The following TRIM37 variants were observed in gnomAD, a reference collection of about 807,000 sequenced individuals.
The protein encoded by TRIM37 is tripartite motif containing 37, also known as E3 ubiquitin-protein ligase TRIM37.
In TRIM37, 80 loss-of-function variants were observed where a neutral mutation model predicts 129.8. The observed-to-expected ratio is 0.62, with a 90% confidence interval of 0.51 to 0.74. TRIM37 has a LOEUF of 0.74. Among genes scored for constraint, TRIM37 ranks in the 30% least tolerant of loss-of-function variants. TRIM37 has a pLI of 0.00. For synonymous variants in TRIM37, 389 were observed against 387.1 expected (o/e 1.00, Z -0.06); for missense variants, 1,054 against 1,176.5 (o/e 0.90, Z 1.52).
rs2046038985 is a variant in TRIM37, at chr17:59,106,739, C to T, written c.-278G>A. 8.8e-6 allele frequency: 5 copies of T among 570,216 alleles called. No homozygotes were observed. The highest frequency in any genetic ancestry group is 1.6e-5 in the Non-Finnish European group (5 of 320,340). 35.3% of individuals were successfully genotyped at this position (570,216 alleles called of 1,614,324 possible). On this transcript the variant is annotated 5_prime_UTR_variant, in exon 1 of 24. Transcript: ENST00000262294. ...TCCCGGCTCAGCCGCCGGCCAGCAGCCGCGCCGGAACCTCGGCCCACGTGA... is the reference window on the plus strand; with the variant it reads ...TCCCGGCTCAGCCGCCGGCCAGCAGTCGCGCCGGAACCTCGGCCCACGTGA...
intron 17 of TRIM37, among the ~76,000 whole-genome samples, chr17:59,040,798 G>A (rs1165864235): frequency 6.6e-6 from 1 of 152,054 alleles, no homozygotes; most frequent in Non-Finnish European, 1.5e-5. Context: ...TGTAATCCCA[G>A]CACTTTGGGA....
intron 2 of TRIM37, among the ~76,000 whole-genome samples, chr17:59,095,272 T>C (rs149023345): frequency 9.1e-4 from 138 of 152,178 alleles, no homozygotes; most frequent in African/African-American, 3.2e-3. Flanking sequence ...ATAGCTATTA[T>C]GGCAAAGATA....
chr17:59,070,964 A>T lies in TRIM37; in HGVS notation c.685-17T>A, dbSNP rs757117310. On this transcript the variant is annotated splice_polypyrimidine_tract_variant and intron_variant, in intron 8 of 23. Coordinates refer to ENST00000262294, the MANE Select transcript of TRIM37 (RefSeq NM_015294.6). ...AGACCGCAACTGTGTGAGGAAAAAA[A>T]TTATCTGAACAAACAAAATTACTAT... is the stretch of plus-strand genomic sequence containing the variant. 6.2e-7 allele frequency: 1 copy of T among 1,612,948 alleles called. No homozygotes were observed.
In TRIM37 at chr17:59,015,622, A is replaced by G. The variant is rs1208861537; in HGVS notation, c.2564T>C (p.Met855Thr). 6 of 1,614,066 alleles carry G rather than the reference A, an allele frequency of 3.7e-6. No individual in the cohort carries two copies. In the South Asian group the frequency reaches 6.6e-5, roughly 18 times the overall value. The change falls in exon 21 of 24, where the codon ATG (methionine) becomes ACG (threonine). Residue 855 changes from methionine (M) to threonine (T), a missense_variant. Around this residue, in one of 3 missense-constraint regions of TRIM37, gnomAD observed 287 missense variants for 274.3 expected, o/e 1.05. Transcript: ENST00000262294. The part of the protein sequence containing the change: ...GLPAVEKRRK[M>T]VTLGANAKGG... ...CAACTTAATTTACCCCAAGGTGACC[A>G]TTTTCCTCCTTTTCTCAACCGCAGG...
chr17:59,018,817 C>T (rs1180359790), intron 19 of TRIM37, among the ~76,000 whole-genome samples: 1 of 151,758 alleles, frequency 6.6e-6, no homozygotes, highest in Non-Finnish European at 1.5e-5. Context: ...AAATGGAACA[C>T]TCACTTCTGA....
the TRIM37 span, among the ~76,000 whole-genome samples, chr17:58,977,479 A>G: frequency 6.6e-6 from 1 of 151,764 alleles, no homozygotes; most frequent in Non-Finnish European, 1.5e-5. Context: ...GAATGAATGG[A>G]GAAGAGCCTA....
chr17:59,036,585 T>C (rs1045128568), intron 17 of TRIM37, among the ~76,000 whole-genome samples: 1 of 151,728 alleles, frequency 6.6e-6, no homozygotes, highest in African/African-American at 2.4e-5. Flanking sequence ...TAGGCTCAAG[T>C]GATCCTACGG....
At chr17:59,044,889 C>T (rs370169605) in intron 16 of TRIM37, among the ~76,000 whole-genome samples, 2 of 152,194 alleles carry the variant, frequency 1.3e-5, no homozygotes, top group Admixed American at 6.5e-5. Context: ...AATCATGAGC[C>T]GAGTGTGATG....
chr17:59,003,186 A>G (rs1482143677), intron 22 of TRIM37, among the ~76,000 whole-genome samples: 1 of 152,222 alleles, frequency 6.6e-6, no homozygotes, highest in East Asian at 1.9e-4. Flanking sequence ...CAATGCTAAA[A>G]TTCCTATTGA....
chr17:59,062,801 G>A lies in TRIM37; in HGVS notation c.861-153C>T, dbSNP rs566392019. 5.3e-5 allele frequency among the ~76,000 whole-genome samples: 8 copies of A among 152,170 alleles called. No individual in the cohort carries two copies. The East Asian group carries it at 9.7e-4, about 18-fold the overall frequency. On this transcript the variant is annotated intron_variant, in intron 10 of 23. Transcript: ENST00000262294. ...AACAGGTCAAAATTCCACTGTAAAA[G>A]TTTAGATATGCTTACATCCTGAAAT...
At chr17:59,075,753 T>A in intron 7 of TRIM37, 39 bp from the exon 8 acceptor site, 2 of 1,448,294 alleles carry the variant, frequency 1.4e-6, no homozygotes, top group Non-Finnish European at 1.9e-6. Flanking sequence ...TTGGGTTCAT[T>A]ATTGGTTTAA....
chr17:59,000,732 T>C (rs2033611887), intron 23 of TRIM37, among the ~76,000 whole-genome samples: 3 of 152,210 alleles, frequency 2.0e-5, no homozygotes, highest in African/African-American at 7.2e-5. Context: ...TATTTCATAA[T>C]CTGCATGTAT....
chr17:59,037,216 C>T (rs540615434), intron 17 of TRIM37, among the ~76,000 whole-genome samples: 1 of 152,070 alleles, frequency 6.6e-6, no homozygotes, highest in South Asian at 2.1e-4. Context: ...CATTTCCACA[C>T]TCTGCCCAGT....
At chr17:59,018,050 G>A (rs1017469681) in intron 19 of TRIM37, among the ~76,000 whole-genome samples, 5 of 151,914 alleles carry the variant, frequency 3.3e-5, no homozygotes, top group Admixed American at 2.6e-4. Flanking sequence ...AAGTATTATT[G>A]GATTAAAAAG....
At chr17:59,022,082 TTATAGCATAGAAAAGG>T (rs1245811714) in intron 19 of TRIM37, among the ~76,000 whole-genome samples, 1 of 152,094 alleles carries the variant, frequency 6.6e-6, no homozygotes, top group Non-Finnish European at 1.5e-5. Flanking sequence ...TAAAATAATT[TTATAGCATAGAAAAGG>T]ACAAAAACAT....
chr17:59,051,076 A>G (rs1599171459), intron 14 of TRIM37, 138 bp downstream of exon 14: 2 of 645,264 alleles, frequency 3.1e-6, no homozygotes, highest in South Asian at 3.9e-5. Flanking sequence ...AAGGATGGGG[A>G]ACAAGATAAC....
At chr17:58,982,791 A>G (rs1363795752) in exon 25 of TRIM37, 8 of 870,802 alleles carry the variant, frequency 9.2e-6, no homozygotes, top group African/African-American at 1.7e-5. Flanking sequence ...CATGGCCCCA[A>G]CTATAGTGCC....
chr17:58,980,282 T>G, downstream of TRIM37: 1 of 1,614,194 alleles, frequency 6.2e-7, no homozygotes, highest in South Asian at 1.1e-5. This position sits in a 1 kb window ranked among gnomAD's most constrained non-coding sequence, Gnocchi z 4.7. Context: ...GACAGAGAAC[T>G]CTTTTCAAGG....
intron 24 of TRIM37, chr17:58,983,152 G>T (rs987262755): frequency 4.4e-6 from 2 of 457,156 alleles, no homozygotes; most frequent in African/African-American, 2.0e-5. Context: ...ATCTTTAGGG[G>T]TCTGGATTTT....
Sources: allele counts gnomAD v4.1 joint callset (sites outside exome capture counted in the v4.1 genomes callset), GRCh38; gene constraint gnomAD v4.1.1; regional missense constraint gnomAD v4.1.1; non-coding constraint Gnocchi (gnomAD v3.1); transcripts MANE v1.5; gene names NCBI Gene and HGNC (gene_info 2026-07-23, HGNC 2026-07-21).